The following PAQR5 variants were observed in gnomAD, a reference collection of about 807,000 sequenced individuals.
PAQR5 encodes membrane progestin receptor gamma.
A neutral mutation model predicts 34.5 loss-of-function variants in PAQR5; 20 were observed. The ratio of observed to expected loss-of-function variants is 0.58; its 90% CI spans 0.41 to 0.84. The LOEUF (loss-of-function observed/expected upper bound fraction) is 0.84. Among genes scored for constraint, PAQR5 ranks in the 40% least tolerant of loss-of-function variants. The pLI, the probability that PAQR5 is intolerant of heterozygous loss-of-function variation, is 0.00. For synonymous variants in PAQR5, 131 were observed against 155.6 expected, an observed-to-expected ratio of 0.84 and a Z score of 1.18; for missense variants, 378 against 412.7, an observed-to-expected ratio of 0.92 and a Z score of 0.73.
rs534436796 is a variant in PAQR5 at position 69,380,030 on chromosome 15, A to G, written c.179+20A>G. 1 of 1,613,248 alleles carries G rather than the reference A, an allele frequency of 6.2e-7. No homozygotes were observed. The highest frequency in any genetic ancestry group is 1.1e-5 in the South Asian group (1 of 90,930). On this transcript the variant is annotated intron_variant, in intron 4 of 8. Transcript: ENST00000395407. ...CTTCTGGTACCTTCTGGCCCCCTCG[A>G]CCGGCCTGTCTCCTTCAGGAGCCCT... is the stretch of plus-strand genomic sequence containing the variant.
At chr15:69,371,434 A>T (rs2055559434) in intron 3 of PAQR5, among the ~76,000 whole-genome samples, 1 of 152,180 alleles carries the variant, frequency 6.6e-6, no homozygotes. Flanking sequence ...TTACCATCTC[A>T]TCGTGCTATC....
intron 1 of PAQR5, among the ~76,000 whole-genome samples, chr15:69,304,386 C>T (rs1397441453): frequency 6.6e-6 from 1 of 152,234 alleles, no homozygotes; most frequent in Non-Finnish European, 1.5e-5. Context: ...AGCTCTGATG[C>T]CCTGGTGTCT....
chr15:69,377,547 C>T (rs1448444441), intron 3 of PAQR5, among the ~76,000 whole-genome samples: 3 of 152,234 alleles, frequency 2.0e-5, no homozygotes, highest in Non-Finnish European at 2.9e-5. Context: ...GAATCAACTT[C>T]ATTTTATCCC....
rs780698564 is a variant in PAQR5 at position 69,400,043 on chromosome 15, A to T, written c.679A>T (p.Thr227Ser). Residue 227 changes from threonine to serine, a missense_variant, in exon 8 of 9, where the codon ACC becomes TCC. Thr to Ser is a moderately conservative substitution (Grantham distance 58, BLOSUM62 1). Coordinates refer to ENST00000395407, the MANE Select transcript of PAQR5 (RefSeq NM_017705.4). ...GTACCACCAGAAGCACATGATCATG[A>T]CCCTCCTGGCCTCTTTCTTGTACTC... is the stretch of plus-strand genomic sequence containing the variant. ...TSYHQKHMIM[T>S]LLASFLYSAH... 1.2e-6 allele frequency: 2 copies of T among 1,613,960 alleles called. No homozygotes were observed.
At chr15:69,398,791 T>C (rs1226424342) in intron 7 of PAQR5, among the ~76,000 whole-genome samples, 1 of 152,174 alleles carries the variant, frequency 6.6e-6, no homozygotes, top group African/African-American at 2.4e-5. Flanking sequence ...AAGTCCTGTG[T>C]TGTGACAAGC....
intron 2 of PAQR5, among the ~76,000 whole-genome samples, chr15:69,352,832 AC>A (rs1213022324): frequency 6.6e-5 from 10 of 152,354 alleles, no homozygotes; most frequent in African/African-American, 2.4e-4. Context: ...AAGAAACATG[AC>A]TGGAAAATTG....
At chr15:69,331,445 G>A (rs1456941443) in intron 1 of PAQR5, among the ~76,000 whole-genome samples, 1 of 152,164 alleles carries the variant, frequency 6.6e-6, no homozygotes, top group African/African-American at 2.4e-5. Context: ...TGGAGTTCTT[G>A]GTTAGGGATC....
Position 69,375,325 on chromosome 15 carries a change from G to A in PAQR5, c.52-4558G>A, listed in dbSNP as rs1022474452. Among the ~76,000 whole-genome samples, 7 of 152,136 alleles carry A rather than the reference G, an allele frequency of 4.6e-5. No individual in the cohort carries two copies. In the East Asian group the frequency reaches 7.8e-4, roughly 17 times the overall value. On this transcript the variant is annotated intron_variant, in intron 3 of 8. Transcript: ENST00000395407. The stretch of plus-strand genomic sequence containing the variant: ...AATTCAAATTTCCCCTTCTTGTGAG[G>A]GACACCAGGCAGATTGGATTAGGAC...
intron 1 of PAQR5, among the ~76,000 whole-genome samples, chr15:69,301,000 TTTCTTTCTTTC>T (rs1481327553): frequency 6.3e-5 from 8 of 126,198 alleles, no homozygotes; most frequent in African/African-American, 2.4e-4. Context: ...TCTTTCTTTC[TTTCTTTCTTTC>T]TTCTTTCTTT....
intron 1 of PAQR5, among the ~76,000 whole-genome samples, chr15:69,330,608 T>C (rs558451674): frequency 2.0e-5 from 3 of 152,170 alleles, no homozygotes; most frequent in South Asian, 4.1e-4. Context: ...ACTGAGTCAG[T>C]GCAAGAAGAC....
intron 6 of PAQR5, among the ~76,000 whole-genome samples, chr15:69,390,898 C>G (rs2056250158): frequency 6.6e-6 from 1 of 151,278 alleles, no homozygotes; most frequent in South Asian, 2.1e-4. Context: ...ATGGGGATAA[C>G]TACACCAATT....
chr15:69,376,722 A>C (rs942247114), intron 3 of PAQR5, among the ~76,000 whole-genome samples: 1 of 152,058 alleles, frequency 6.6e-6, no homozygotes, highest in African/African-American at 2.4e-5. Flanking sequence ...GGTTTTTTTA[A>C]TCTGGGCTCA....
intron 1 of PAQR5, among the ~76,000 whole-genome samples, chr15:69,310,400 A>G (rs943801689): frequency 6.6e-6 from 1 of 152,238 alleles, no homozygotes; most frequent in African/African-American, 2.4e-5. Flanking sequence ...ACACCCTCCA[A>G]CAGAGAGTGT....
At chr15:69,336,007 T>C (rs574055012) in intron 1 of PAQR5, among the ~76,000 whole-genome samples, 1 of 152,312 alleles carries the variant, frequency 6.6e-6, no homozygotes, top group Non-Finnish European at 1.5e-5. Context: ...GGTTTTGTTT[T>C]CTCCTTTGGG....
chr15:69,300,807 TTTCC>T (rs56373718), intron 1 of PAQR5, among the ~76,000 whole-genome samples: 315 of 23,414 alleles, frequency 0.013, 78 homozygotes, highest in Admixed American at 0.024. Flanking sequence ...TCTTTCCTTC[TTTCC>T]TTCCTTCCTT....
chr15:69,321,665 C>T (rs1259690792), intron 1 of PAQR5, among the ~76,000 whole-genome samples: 1 of 152,172 alleles, frequency 6.6e-6, no homozygotes, highest in Non-Finnish European at 1.5e-5. Flanking sequence ...AACAGATATA[C>T]AATTTTGGCA....
At chr15:69,304,450 C>T (rs2053671159) in intron 1 of PAQR5, among the ~76,000 whole-genome samples, 2 of 152,170 alleles carry the variant, frequency 1.3e-5, no homozygotes, top group Admixed American at 1.3e-4. Flanking sequence ...GTAAGGGTGA[C>T]TCTAGACATC....
At chr15:69,382,801 C>CAT (rs1220190050) in intron 4 of PAQR5, 2 of 4,168 alleles carry the variant, frequency 4.8e-4, no homozygotes, top group African/African-American at 1.9e-3. Flanking sequence ...TATATATGAC[C>CAT]ATATATATAT....
At chr15:69,352,419 G>A (rs1402339778) in intron 2 of PAQR5, among the ~76,000 whole-genome samples, 2 of 152,192 alleles carry the variant, frequency 1.3e-5, no homozygotes, top group Non-Finnish European at 2.9e-5. Context: ...TACGTGATCA[G>A]GCCTGAACAG....
Sources: allele counts gnomAD v4.1 joint callset (sites outside exome capture counted in the v4.1 genomes callset), GRCh38; gene constraint gnomAD v4.1.1; transcripts MANE v1.5; gene names NCBI Gene and HGNC (gene_info 2026-07-23, HGNC 2026-07-21).